Variants in PRRC2B observed in about 807,000 individuals in gnomAD.
PRRC2B encodes protein PRRC2B.
Under a neutral mutation model 242.3 loss-of-function variants are expected in PRRC2B, and 68 were observed. The ratio of observed to expected loss-of-function variants is 0.28; its 90% confidence interval spans 0.23 to 0.34. The LOEUF is 0.34. PRRC2B is among the 10% of genes least tolerant of loss of function. The probability of loss-of-function intolerance (pLI) is 1.00; values close to 1 mark genes in which losing one functional copy is unlikely to be tolerated. For synonymous variants in PRRC2B, 1,228 were observed against 1,173.6 expected (o/e 1.05, Z -0.95); for missense variants, 2,835 against 2,954.8 (o/e 0.96, Z 0.94).
At chr9:131,418,417 A>G (rs532922160) in intron 1 of PRRC2B, among the ~76,000 whole-genome samples, 1 of 152,264 alleles carries the variant, frequency 6.6e-6, no homozygotes, top group African/African-American at 2.4e-5. Flanking sequence ...GTTGGTTATT[A>G]TTTGGGGGAT....
chr9:131,405,063 C>A (rs527332140), intron 1 of PRRC2B, among the ~76,000 whole-genome samples: 1 of 152,274 alleles, frequency 6.6e-6, no homozygotes, highest in East Asian at 1.9e-4. Flanking sequence ...AATGAACAGG[C>A]TTTTTGGATT....
intron 1 of PRRC2B, among the ~76,000 whole-genome samples, chr9:131,417,028 C>T (rs1265667908): frequency 6.6e-6 from 1 of 152,254 alleles, no homozygotes; most frequent in South Asian, 2.1e-4. Flanking sequence ...AGTTGGTCAT[C>T]TCTCAGATAC....
rs1277623826 is a variant in PRRC2B at position 131,477,961 on chromosome 9, T to C, written c.4612+12T>C. On this transcript the variant is annotated intron_variant, in intron 17 of 31. Coordinates refer to ENST00000683519, the MANE Select transcript of PRRC2B (RefSeq NM_013318.4). ...CCTGAACTATGGAAGTAAGTCATCC[T>C]CATATCTTCAGGGGAAAGAACTCAG... 1 of 1,611,120 alleles carries C rather than the reference T, an allele frequency of 6.2e-7. No homozygotes were observed. The highest frequency in any genetic ancestry group is 2.2e-5 in the East Asian group (1 of 44,838).
intron 11 of PRRC2B, among the ~76,000 whole-genome samples, chr9:131,463,628 C>CTT (rs374951504): frequency 0.78 from 97,977 of 125,446 alleles, 39,123 homozygotes; most frequent in East Asian, 0.92. Flanking sequence ...TTTAGGCATG[C>CTT]TTTTTTTTTT....
chr9:131,490,675 GC>G, intron 28 of PRRC2B: 2 of 498,770 alleles, frequency 4.0e-6, no homozygotes, highest in Admixed American at 4.0e-5. Context: ...GTTAGGCCCT[GC>G]AGCTACCCTG....
chr9:131,414,877 C>T (rs528059542), intron 1 of PRRC2B, among the ~76,000 whole-genome samples: 1 of 151,348 alleles, frequency 6.6e-6, no homozygotes, highest in African/African-American at 2.4e-5. Flanking sequence ...GCTGCTATCT[C>T]GGGCTTCTGT....
chr9:131,395,912 C>T (rs1042336538), intron 1 of PRRC2B, among the ~76,000 whole-genome samples: 2 of 152,168 alleles, frequency 1.3e-5, no homozygotes, highest in East Asian at 1.9e-4. Flanking sequence ...AACAGACGCC[C>T]AAGGAGTCCT....
chr9:131,403,074 G>A (rs1259482142), intron 1 of PRRC2B, among the ~76,000 whole-genome samples: 2 of 152,196 alleles, frequency 1.3e-5, no homozygotes, highest in African/African-American at 4.8e-5. Context: ...GTGTCTTGCA[G>A]AACTTTTTTC....
At chr9:131,440,359 G>A (rs555700710) in intron 5 of PRRC2B, among the ~76,000 whole-genome samples, 15 of 152,044 alleles carry the variant, frequency 9.9e-5, no homozygotes, top group African/African-American at 3.6e-4. Flanking sequence ...CACACAGGCT[G>A]GAGTGCAGTG....
At chr9:131,409,398 G>C (rs901217700) in intron 1 of PRRC2B, among the ~76,000 whole-genome samples, 3 of 152,094 alleles carry the variant, frequency 2.0e-5, no homozygotes, top group Non-Finnish European at 4.4e-5. Flanking sequence ...TGGCCAGGCT[G>C]GTCTCGAACG....
At chr9:131,467,015 A>T (rs1458586527) in intron 12 of PRRC2B, among the ~76,000 whole-genome samples, 12 of 152,002 alleles carry the variant, frequency 7.9e-5, no homozygotes, top group African/African-American at 2.7e-4. Context: ...GTTAGCCAGG[A>T]TGGTCTGTAT....
chr9:131,431,566 GTGTTATCCTTAATAA>G (rs1838172709), intron 2 of PRRC2B, among the ~76,000 whole-genome samples: 1 of 141,828 alleles, frequency 7.1e-6, no homozygotes, highest in East Asian at 2.2e-4. Flanking sequence ...CGCCTGGCCA[GTGTTATCCTTAATAA>G]AGAATTTTTT....
In PRRC2B at chr9:131,435,593, C is replaced by T. The variant is rs182996557; in HGVS notation, c.294-1027C>T. Among the ~76,000 whole-genome samples the T allele has an allele frequency of 2.7e-3, 394 of 147,462 alleles. 2 individuals are homozygous for T. The highest frequency in any genetic ancestry group is 9.1e-3 in the African/African-American group (356 of 39,120). On this transcript the variant is annotated intron_variant, in intron 3 of 31. Coordinates refer to ENST00000683519, the MANE Select transcript of PRRC2B (RefSeq NM_013318.4). ...TCATGCCACTGCACTGCAACCTGGG[C>T]GGCAGAATGAGACTCCATCTAAAAA...
At chr9:131,473,231 T>C (rs1943592832) in intron 14 of PRRC2B, among the ~76,000 whole-genome samples, 1 of 152,192 alleles carries the variant, frequency 6.6e-6, no homozygotes, top group Non-Finnish European at 1.5e-5. Context: ...TCATCCCCTG[T>C]CCTGAGTGTT....
chr9:131,377,162 C>G (rs1189300005), intron 1 of PRRC2B, among the ~76,000 whole-genome samples: 1 of 152,058 alleles, frequency 6.6e-6, no homozygotes, highest in Non-Finnish European at 1.5e-5. Flanking sequence ...GTCACCAGGC[C>G]GGAGTGCAGT....
chr9:131,446,959 A>C lies in PRRC2B; in HGVS notation c.856-126A>C. 8 of 1,262,724 alleles carry C rather than the reference A, an allele frequency of 6.3e-6. No homozygotes were observed. Among genetic ancestry groups the C allele is most frequent in the Non-Finnish European group, 7.7e-6 (7 of 906,648 alleles). 78.2% of individuals were successfully genotyped at this position (1,262,724 alleles called of 1,614,324 possible). ...GGGGGAGATGGTGGTAGGATTAATT[A>C]GGAAACCCCATGACTTTCCTGTTTC... is the stretch of plus-strand genomic sequence containing the variant. On this transcript the variant is annotated intron_variant, in intron 7 of 31. Coordinates refer to ENST00000683519, the MANE Select transcript of PRRC2B (RefSeq NM_013318.4). This position sits in a 1 kb window ranked among gnomAD's most constrained non-coding sequence, Gnocchi z 4.1.
At chr9:131,387,549 C>T (rs2131267652) in intron 1 of PRRC2B, among the ~76,000 whole-genome samples, 1 of 150,466 alleles carries the variant, frequency 6.6e-6, no homozygotes, top group South Asian at 2.1e-4. Context: ...CCTCCTGAGC[C>T]TTAGACCGAT....
intron 11 of PRRC2B, among the ~76,000 whole-genome samples, chr9:131,461,054 C>T (rs1240021742): frequency 1.3e-5 from 2 of 152,228 alleles, no homozygotes; most frequent in African/African-American, 2.4e-5. Context: ...TCCAGTTCCA[C>T]AGACTTTGTT....
intron 1 of PRRC2B, among the ~76,000 whole-genome samples, chr9:131,402,774 G>A (rs1039974488): frequency 2.0e-5 from 3 of 152,206 alleles, no homozygotes; most frequent in Non-Finnish European, 2.9e-5. Flanking sequence ...CATTAAAAAT[G>A]TGTTCCTATG....
Sources: gnomAD v4.1 joint callset for allele counts (sites outside exome capture counted in the v4.1 genomes callset) on GRCh38, gnomAD v4.1.1 for gene constraint, Gnocchi (gnomAD v3.1) non-coding constraint, MANE v1.5 for transcripts, NCBI Gene and HGNC (gene_info 2026-07-23, HGNC 2026-07-21) for gene names.